ADCK1: variants seen among roughly 807,000 people sequenced by gnomAD.
ADCK1 encodes the protein aarF domain containing kinase 1.
In ADCK1, 41 loss-of-function variants were observed where a neutral mutation model predicts 52.3. The observed-to-expected ratio is 0.78, with a 90% CI of 0.61 to 1.02. ADCK1 has a LOEUF of 1.02. Among genes scored for constraint, ADCK1 ranks in the 50% least tolerant of loss-of-function variants. The pLI is 0.00. For synonymous variants in ADCK1, 250 were observed against 274.6 expected, an observed-to-expected ratio of 0.91 and a Z score of 0.89; for missense variants, 658 against 679.5, an observed-to-expected ratio of 0.97 and a Z score of 0.35.
intron 4 of ADCK1, among the ~76,000 whole-genome samples, chr14:77,867,242 CTTTG>C (rs1168298452): frequency 1.3e-5 from 2 of 152,138 alleles, no homozygotes; most frequent in Non-Finnish European, 2.9e-5. Flanking sequence ...TGAGCACCAC[CTTTG>C]TTTGTTCAGG....
rs527451122 is a variant in ADCK1 at position 77,847,071 on chromosome 14, T to G, written c.220-12005T>G. On this transcript the variant is annotated intron_variant, in intron 3 of 10. Transcript: ENST00000238561. The stretch of plus-strand genomic sequence containing the variant: ...AGGAGGAGGTGAAGGGAGGCAGGCT[T>G]GGGTCCAGGCTGAGAGGATTTTTCG... 2.6e-5 allele frequency among the ~76,000 whole-genome samples: 4 copies of G among 152,148 alleles called. No homozygotes were observed. In the South Asian group the frequency reaches 6.2e-4, roughly 24 times the overall value.
At chr14:77,907,205 C>T (rs1044461316) in intron 6 of ADCK1, among the ~76,000 whole-genome samples, 5 of 152,178 alleles carry the variant, frequency 3.3e-5, no homozygotes, top group African/African-American at 7.2e-5. Flanking sequence ...TGAGCCACTC[C>T]GCCTGGCCCC....
At chr14:77,870,702 A>G (rs1016089007) in intron 4 of ADCK1, among the ~76,000 whole-genome samples, 2 of 152,216 alleles carry the variant, frequency 1.3e-5, no homozygotes, top group Non-Finnish European at 2.9e-5. Flanking sequence ...GTGAGTCAGG[A>G]GGCCATAGCC....
At chr14:77,912,466 G>A (rs1203004895) in intron 7 of ADCK1, among the ~76,000 whole-genome samples, 1 of 149,456 alleles carries the variant, frequency 6.7e-6, no homozygotes, top group Admixed American at 6.6e-5. Flanking sequence ...GTGTGTGTGT[G>A]TGTGTGTGTG....
At chr14:77,837,563 A>T (rs1157752922) in intron 3 of ADCK1, among the ~76,000 whole-genome samples, 1 of 152,232 alleles carries the variant, frequency 6.6e-6, no homozygotes, top group African/African-American at 2.4e-5. Flanking sequence ...CACTACAGGA[A>T]CTTAGAATTA....
At chr14:77,830,451 C>T (rs1566645664) in intron 3 of ADCK1, among the ~76,000 whole-genome samples, 3 of 150,980 alleles carry the variant, frequency 2.0e-5, no homozygotes, top group African/African-American at 4.8e-5. Context: ...CACCGTGCCT[C>T]GCCAATTTTT....
chr14:77,815,910 G>T (rs1037337062), intron 1 of ADCK1, among the ~76,000 whole-genome samples: 1 of 150,966 alleles, frequency 6.6e-6, no homozygotes, highest in Non-Finnish European at 1.5e-5. Context: ...CCACCTCCTG[G>T]GTTCAAGTGA....
intron 1 of ADCK1, among the ~76,000 whole-genome samples, chr14:77,805,024 T>G (rs1480343293): frequency 1.3e-5 from 2 of 151,694 alleles, no homozygotes; most frequent in African/African-American, 2.4e-5. Flanking sequence ...CTGACCAACA[T>G]GGAGAAACCC....
intron 9 of ADCK1, among the ~76,000 whole-genome samples, chr14:77,929,887 G>A (rs1469059518): frequency 2.0e-5 from 3 of 152,110 alleles, no homozygotes; most frequent in South Asian, 4.2e-4. Flanking sequence ...GGCTGGTCTC[G>A]AACTCCTGAC....
At chr14:77,861,583 G>C (rs1017446073) in intron 4 of ADCK1, among the ~76,000 whole-genome samples, 10 of 150,696 alleles carry the variant, frequency 6.6e-5, no homozygotes, top group African/African-American at 2.5e-4. Context: ...TTTCATCCCT[G>C]GCTTAAAAGA....
chr14:77,824,029 G>T (rs1328738534), intron 3 of ADCK1, among the ~76,000 whole-genome samples: 1 of 152,106 alleles, frequency 6.6e-6, no homozygotes, highest in Non-Finnish European at 1.5e-5. Flanking sequence ...CTCCCAAGTA[G>T]CTGGAATTAC....
chr14:77,892,076 C>T (rs1234821510), intron 5 of ADCK1, among the ~76,000 whole-genome samples: 1 of 152,146 alleles, frequency 6.6e-6, no homozygotes, highest in Non-Finnish European at 1.5e-5. Flanking sequence ...CATGCCAACT[C>T]CAGGTGTGGT....
chr14:77,873,028 A>G (rs1266466449), intron 4 of ADCK1, among the ~76,000 whole-genome samples: 2 of 152,056 alleles, frequency 1.3e-5, no homozygotes, highest in Non-Finnish European at 2.9e-5. Context: ...TTTTTAGAGT[A>G]CAGGTGGTTT....
chr14:77,870,859 G>A (rs1456419633), intron 4 of ADCK1, among the ~76,000 whole-genome samples: 1 of 152,194 alleles, frequency 6.6e-6, no homozygotes, highest in Non-Finnish European at 1.5e-5. Flanking sequence ...CCAGGGAGAA[G>A]GGGAACAGGT....
At position 77,933,767 on chromosome 14, in the gene ADCK1, A is replaced by G; in HGVS notation, c.*376A>G. The G allele has an allele frequency of 5.1e-6, 1 of 197,716 alleles. No individual in the cohort carries two copies. The highest frequency in any genetic ancestry group is 1.0e-5 in the Non-Finnish European group (1 of 95,850). 12.2% of individuals were successfully genotyped at this position (197,716 alleles called of 1,614,324 possible). On this transcript the variant is annotated 3_prime_UTR_variant, in exon 11 of 11. Transcript: ENST00000238561. ...GGGAGTGTGATTTTGTTGGAGGTGC[A>G]CATGGTCTCTGAATTTGACAGAGAA...
chr14:77,812,462 T>G (rs1428077011), intron 1 of ADCK1, among the ~76,000 whole-genome samples: 1 of 152,178 alleles, frequency 6.6e-6, no homozygotes, highest in African/African-American at 2.4e-5. Context: ...ATGGCAGGCT[T>G]CCTTCCTTTT....
chr14:77,925,650 G>C, intron 8 of ADCK1, 114 bp from the exon 9 acceptor site: 3 of 1,020,202 alleles, frequency 2.9e-6, no homozygotes, highest in Non-Finnish European at 4.3e-6. Context: ...AACAGATGTC[G>C]TGGGAAGGCA....
intron 4 of ADCK1, among the ~76,000 whole-genome samples, chr14:77,876,696 C>A (rs754097775): frequency 2.0e-5 from 3 of 152,182 alleles, no homozygotes; most frequent in Non-Finnish European, 4.4e-5. Context: ...AGAGATGGGT[C>A]GCTGATCCCT....
intron 7 of ADCK1, among the ~76,000 whole-genome samples, chr14:77,921,393 C>T (rs10147662): frequency 0.76 from 111,445 of 146,708 alleles, 43,139 homozygotes; most frequent in African/African-American, 0.89. Context: ...CTGTGGTGTG[C>T]GTCTTATAGT....
Sources: gnomAD v4.1 joint callset for allele counts (sites outside exome capture counted in the v4.1 genomes callset) on GRCh38, gnomAD v4.1.1 for gene constraint, MANE v1.5 for transcripts, NCBI Gene and HGNC (gene_info 2026-07-23, HGNC 2026-07-21) for gene names.